The following OR1J2 variants were observed in gnomAD, a reference collection of about 807,000 sequenced individuals.
The protein encoded by OR1J2 is olfactory receptor 1J2.
For synonymous variants in OR1J2, 142 were observed against 99.7 expected (o/e 1.42, Z -2.52); for missense variants, 304 against 246.1 (o/e 1.24, Z -1.57).
the OR1J2 span, chr9:122,553,465 T>G: frequency 1.2e-6 from 2 of 1,614,144 alleles, no homozygotes; most frequent in Non-Finnish European, 1.7e-6. Flanking sequence ...CCCAAAATGC[T>G]GGCCAACATT....
chr9:122,467,418 A>G, the OR1J2 span, among the ~76,000 whole-genome samples: 230 of 152,316 alleles, frequency 1.5e-3, 3 homozygotes, highest in Non-Finnish European at 2.4e-3. Flanking sequence ...AAATAATTTT[A>G]GAATTTGATA....
chr9:122,541,793 C>T, the OR1J2 span, among the ~76,000 whole-genome samples: 2 of 152,216 alleles, frequency 1.3e-5, no homozygotes, highest in Non-Finnish European at 2.9e-5. Context: ...TCAAAGAAGA[C>T]AGCTCCATCT....
chr9:122,455,473 G>C, the OR1J2 span, among the ~76,000 whole-genome samples: 1 of 152,062 alleles, frequency 6.6e-6, no homozygotes, highest in African/African-American at 2.4e-5. Flanking sequence ...TCTTCTATGT[G>C]CTTGTTGGCC....
the OR1J2 span, among the ~76,000 whole-genome samples, chr9:122,468,154 A>G: frequency 1.5e-3 from 236 of 152,364 alleles, no homozygotes; most frequent in African/African-American, 5.5e-3. Flanking sequence ...AAGACAGTGT[A>G]TACCTATTAA....
At chr9:122,452,968 C>T in the OR1J2 span, among the ~76,000 whole-genome samples, 1 of 144,498 alleles carries the variant, frequency 6.9e-6, no homozygotes, top group Non-Finnish European at 1.5e-5. Context: ...GCAGAGGTTG[C>T]AGTGAGCCGA....
At chr9:122,503,597 G>T in the OR1J2 span, among the ~76,000 whole-genome samples, 1 of 152,200 alleles carries the variant, frequency 6.6e-6, no homozygotes, top group Non-Finnish European at 1.5e-5. Flanking sequence ...CTCTGAAGTG[G>T]ATGCTCTCTG....
chr9:122,503,687 T>G, the OR1J2 span, among the ~76,000 whole-genome samples: 1 of 152,352 alleles, frequency 6.6e-6, no homozygotes, highest in African/African-American at 2.4e-5. Flanking sequence ...TTTTCAAAAA[T>G]ACTCTATCTC....
chr9:122,519,465 G>T, the OR1J2 span: 1 of 1,614,034 alleles, frequency 6.2e-7, no homozygotes, highest in East Asian at 2.2e-5. Context: ...ATTTTTCACT[G>T]ATCTAGACAA....
At chr9:122,554,613 AT>A in the OR1J2 span, among the ~76,000 whole-genome samples, 2,154 of 152,318 alleles carry the variant, frequency 0.014, 19 homozygotes, top group Middle Eastern at 0.024. Context: ...GTGAATTAGG[AT>A]GCTAAATAAC....
the OR1J2 span, among the ~76,000 whole-genome samples, chr9:122,534,658 T>C: frequency 1.3e-5 from 2 of 151,904 alleles, no homozygotes; most frequent in African/African-American, 4.8e-5. Context: ...TAGCTCGGCC[T>C]GGCGAGGAGG....
chr9:122,468,304 T>C, the OR1J2 span, among the ~76,000 whole-genome samples: 1 of 152,176 alleles, frequency 6.6e-6, no homozygotes, highest in Non-Finnish European at 1.5e-5. Context: ...TTTTACAATT[T>C]CCTCAGCCCA....
chr9:122,541,080 C>G, the OR1J2 span, among the ~76,000 whole-genome samples: 2 of 152,164 alleles, frequency 1.3e-5, no homozygotes, highest in East Asian at 3.9e-4. Flanking sequence ...CTCACCCCAG[C>G]TCTTAAAAGT....
chr9:122,553,480 C>A, the OR1J2 span: 4 of 1,613,982 alleles, frequency 2.5e-6, no homozygotes, highest in African/African-American at 5.3e-5. Flanking sequence ...AACATTCATA[C>A]CCAGAGTCAG....
chr9:122,526,201 A>G, the OR1J2 span, among the ~76,000 whole-genome samples: 2 of 152,138 alleles, frequency 1.3e-5, no homozygotes, highest in Non-Finnish European at 2.9e-5. Context: ...TTAGATAGAA[A>G]CTGTTATCTC....
chr9:122,479,515 T>C, the OR1J2 span, among the ~76,000 whole-genome samples: 8 of 152,220 alleles, frequency 5.3e-5, no homozygotes, highest in African/African-American at 1.9e-4. Context: ...ACAACTTAAA[T>C]TCAGTCTTTA....
the OR1J2 span, among the ~76,000 whole-genome samples, chr9:122,503,616 T>G: frequency 6.6e-6 from 1 of 152,216 alleles, no homozygotes; most frequent in Non-Finnish European, 1.5e-5. Flanking sequence ...TGGTAGGCAT[T>G]GACATAAGAT....
the OR1J2 span, among the ~76,000 whole-genome samples, chr9:122,552,077 TCTCA>T: frequency 2.8e-5 from 4 of 142,274 alleles, no homozygotes; most frequent in Middle Eastern, 3.6e-3. Context: ...TCTCTCTCTC[TCTCA>T]CACACACACA....
At chr9:122,495,061 T>C in the OR1J2 span, among the ~76,000 whole-genome samples, 1 of 152,222 alleles carries the variant, frequency 6.6e-6, no homozygotes, top group Non-Finnish European at 1.5e-5. Context: ...CTGCTGTTAA[T>C]CTGATAGGTT....
At chr9:122,519,694 T>C in the OR1J2 span, 2 of 1,614,134 alleles carry the variant, frequency 1.2e-6, no homozygotes, top group South Asian at 1.1e-5. Flanking sequence ...GTTGCCCTAC[T>C]CAAGCTCTCA....
Sources: gnomAD v4.1 joint callset for allele counts (sites outside exome capture counted in the v4.1 genomes callset) on GRCh38, gnomAD v4.1.1 for gene constraint, MANE v1.5 for transcripts, NCBI Gene and HGNC (gene_info 2026-07-23, HGNC 2026-07-21) for gene names.